IQSEC1: variants seen among roughly 807,000 people sequenced by gnomAD.
IQSEC1 encodes the protein IQ motif and SEC7 domain-containing protein 1.
A neutral mutation model predicts 91.0 loss-of-function variants in IQSEC1; 31 were observed. The ratio of observed to expected loss-of-function variants is 0.34; its 90% CI spans 0.26 to 0.46. The LOEUF is 0.46. Ranked by LOEUF, IQSEC1 falls within the 20% of genes least tolerant of loss-of-function variation. The probability of loss-of-function intolerance (pLI) is 1.00; values close to 1 mark genes in which losing one functional copy is unlikely to be tolerated. For synonymous variants in IQSEC1, 699 were observed against 662.6 expected, an observed-to-expected ratio of 1.05 and a Z score of -0.84; for missense variants, 1,388 against 1,575.6, an observed-to-expected ratio of 0.88 and a Z score of 2.02.
intron 1 of IQSEC1, among the ~76,000 whole-genome samples, chr3:13,044,849 T>C (rs1704432901): frequency 6.6e-6 from 1 of 152,258 alleles, no homozygotes; most frequent in South Asian, 2.1e-4. Context: ...GCTGGGATTC[T>C]CAGAAGCTTG....
intron 2 of IQSEC1, among the ~76,000 whole-genome samples, chr3:13,163,774 C>G (rs1693400329): frequency 6.8e-6 from 1 of 147,682 alleles, no homozygotes; most frequent in South Asian, 2.3e-4. Context: ...ATAGAAGTTT[C>G]TGGTCCTAGA....
intron 1 of IQSEC1, among the ~76,000 whole-genome samples, chr3:13,236,637 C>T (rs927925552): frequency 1.3e-5 from 2 of 152,214 alleles, no homozygotes; most frequent in African/African-American, 4.8e-5. Context: ...CTGCCTGTGA[C>T]ACCCCCTGCA....
intron 1 of IQSEC1, among the ~76,000 whole-genome samples, chr3:13,224,094 G>A (rs2125079117): frequency 6.6e-6 from 1 of 152,246 alleles, no homozygotes; most frequent in Non-Finnish European, 1.5e-5. Context: ...GCCAACCTCG[G>A]GAGGCTGCTG....
chr3:13,082,738 A>C (rs910234997), intron 2 of IQSEC1, among the ~76,000 whole-genome samples: 1 of 152,158 alleles, frequency 6.6e-6, no homozygotes, highest in African/African-American at 2.4e-5. Flanking sequence ...GTTCCAACCC[A>C]GTGCTGGTCA....
intron 1 of IQSEC1, among the ~76,000 whole-genome samples, chr3:13,210,001 A>G (rs1694414225): frequency 6.6e-6 from 1 of 152,094 alleles, no homozygotes; most frequent in South Asian, 2.1e-4. Context: ...GTCTCAGCCC[A>G]GCAATGTCAT....
chr3:12,909,243 G>A lies in IQSEC1; in HGVS notation c.2578+30C>T, dbSNP rs570000748. 73 of 1,607,698 alleles carry A rather than the reference G, an allele frequency of 4.5e-5. No homozygotes were observed. The highest frequency in any genetic ancestry group is 3.4e-4 in the Middle Eastern group (2 of 5,902). On this transcript the variant is annotated intron_variant, in intron 11 of 13. Coordinates refer to ENST00000613206, the MANE Select transcript of IQSEC1 (RefSeq NM_001134382.3). This position sits in a 1 kb window ranked among gnomAD's most constrained non-coding sequence, Gnocchi z 4.9. ...CAAGTGCCAGAGTCTGGCAAGTCTC[G>A]GCCTTCTGTCCATGAGGCCTGGTAC... is the stretch of plus-strand genomic sequence containing the variant.
intron 1 of IQSEC1, among the ~76,000 whole-genome samples, chr3:13,231,163 AT>A (rs1694832746): frequency 6.6e-6 from 1 of 152,228 alleles, no homozygotes; most frequent in African/African-American, 2.4e-5. Flanking sequence ...CTGTTTGGAC[AT>A]GTTACAAGTT....
chr3:13,169,191 A>G (rs535243913), intron 1 of IQSEC1, among the ~76,000 whole-genome samples: 1 of 152,290 alleles, frequency 6.6e-6, no homozygotes, highest in African/African-American at 2.4e-5. Context: ...GGTCTTTCCC[A>G]TGCTGTTCTT....
intron 1 of IQSEC1, among the ~76,000 whole-genome samples, chr3:13,200,621 A>G (rs1694226901): frequency 2.0e-5 from 3 of 152,232 alleles, no homozygotes; most frequent in African/African-American, 7.2e-5. Context: ...ACGGACAGGC[A>G]GCTGAAAGGC....
At chr3:13,096,153 C>T (rs1576247840) in intron 2 of IQSEC1, among the ~76,000 whole-genome samples, 1 of 151,964 alleles carries the variant, frequency 6.6e-6, no homozygotes, top group African/African-American at 2.4e-5. Flanking sequence ...GTAGACTCAG[C>T]TTTCCTATCC....
At chr3:12,953,764 A>C (rs559296824) in intron 1 of IQSEC1, among the ~76,000 whole-genome samples, 1 of 152,220 alleles carries the variant, frequency 6.6e-6, no homozygotes, top group East Asian at 1.9e-4. Context: ...TACCACCCTA[A>C]TGTTGTCATG....
At chr3:13,120,834 G>A (rs1284546710) in intron 2 of IQSEC1, among the ~76,000 whole-genome samples, 9 of 152,200 alleles carry the variant, frequency 5.9e-5, no homozygotes, top group Non-Finnish European at 1.3e-4. Flanking sequence ...GGTCACCTGT[G>A]CCAGGCTTCC....
In IQSEC1 at chr3:12,935,783, G is replaced by T; in HGVS notation, c.1233C>A (p.Gly411=). Residue 411 remains glycine, a synonymous_variant, in exon 3 of 14, where the codon GGC becomes GGA. Coordinates refer to ENST00000613206, the MANE Select transcript of IQSEC1 (RefSeq NM_001134382.3). This position sits in a 1 kb window ranked among gnomAD's most constrained non-coding sequence, Gnocchi z 8.0. Reference sequence around the variant, plus strand: ...CCTCCCGGGGGAGGCTCTTGGGGGCGCCGCTGTGGGGACCATGCTTGGGAC... The same window carrying T: ...CCTCCCGGGGGAGGCTCTTGGGGGCTCCGCTGTGGGGACCATGCTTGGGAC... ...QGSPKHGPHS[G]APKSLPREEP... The T allele has an allele frequency of 6.2e-7, 1 of 1,607,152 alleles. No homozygotes were observed.
intron 1 of IQSEC1, among the ~76,000 whole-genome samples, chr3:13,256,385 G>T (rs1432110488): frequency 1.3e-5 from 2 of 152,146 alleles, no homozygotes; most frequent in African/African-American, 2.4e-5. Context: ...CAGATATAAT[G>T]ATATCATATA....
intron 2 of IQSEC1, among the ~76,000 whole-genome samples, chr3:13,114,914 C>T (rs929793225): frequency 1.3e-5 from 2 of 152,006 alleles, no homozygotes; most frequent in East Asian, 1.9e-4. Context: ...TCAGCCAGTG[C>T]GGGAGCCGGT....
At chr3:13,255,507 A>G (rs1695270283) in intron 1 of IQSEC1, among the ~76,000 whole-genome samples, 1 of 152,334 alleles carries the variant, frequency 6.6e-6, no homozygotes, top group South Asian at 2.1e-4. Flanking sequence ...AAACACTTCA[A>G]CTAACACAGG....
In IQSEC1 at chr3:12,899,113, T is replaced by A; in HGVS notation, c.*1870A>T. 1.9e-6 allele frequency: 1 copy of A among 519,886 alleles called. No individual in the cohort carries two copies. The highest frequency in any genetic ancestry group is 3.5e-6 in the Non-Finnish European group (1 of 288,676). The allele number at this position is 519,886 out of a possible 1,614,324, so 32.2% of individuals were successfully genotyped here. ...CTCTCTCTGGAGATTAACAAAGTGC[T>A]TGGTTTGCAGATTTGCTGGTACGGT... On this transcript the variant is annotated 3_prime_UTR_variant, in exon 14 of 14. Coordinates refer to ENST00000613206, the MANE Select transcript of IQSEC1 (RefSeq NM_001134382.3).
rs574281871 is a variant in IQSEC1 at position 13,193,795 on chromosome 3, A to G, written c.273-29662T>C. Among the ~76,000 whole-genome samples, 87 of 152,190 alleles carry G rather than the reference A, an allele frequency of 5.7e-4. No individual in the cohort carries two copies. Among genetic ancestry groups the G allele is most frequent in the Non-Finnish European group, 9.9e-4 (67 of 67,998 alleles). The stretch of plus-strand genomic sequence containing the variant: ...CCCGGCCCCACACCCTCCTGCCTGC[A>G]CCTGCTCACACCCAGACCTGGCCTG... On this transcript the variant is annotated intron_variant, in intron 1 of 15. Coordinates refer to the IQSEC1 transcript ENST00000648114. This position sits in a 1 kb window ranked among gnomAD's most constrained non-coding sequence, Gnocchi z 4.2.
At position 12,935,368 on chromosome 3, in the gene IQSEC1, G is replaced by A. The variant is rs1015312460; in HGVS notation, c.1568+80C>T. 26 of 1,398,992 alleles carry A rather than the reference G, an allele frequency of 1.9e-5. No homozygotes were observed. In the African/African-American group the frequency reaches 2.3e-4, roughly 12 times the overall value. 86.7% of individuals were successfully genotyped at this position (1,398,992 alleles called of 1,614,324 possible). A position where few individuals can be genotyped will look rare whatever the true frequency, so the allele number is the denominator to read the frequency against. ...ACGGTGGACCTCAAGCTCCGTGCTT[G>A]GAAGGATGCAGCCACGCCCACCCGC... On this transcript the variant is annotated intron_variant, in intron 3 of 13. Coordinates refer to ENST00000613206, the MANE Select transcript of IQSEC1 (RefSeq NM_001134382.3). This position sits in a 1 kb window ranked among gnomAD's most constrained non-coding sequence, Gnocchi z 8.0.
Sources: gnomAD v4.1 joint callset for allele counts (sites outside exome capture counted in the v4.1 genomes callset) on GRCh38, gnomAD v4.1.1 for gene constraint, Gnocchi (gnomAD v3.1) non-coding constraint, MANE v1.5 for transcripts, NCBI Gene and HGNC (gene_info 2026-07-23, HGNC 2026-07-21) for gene names.